TNFRSF1B: variants seen among roughly 807,000 people sequenced by gnomAD.
TNFRSF1B encodes the protein tumor necrosis factor receptor superfamily member 1B.
Under a neutral mutation model 44.6 loss-of-function variants are expected in TNFRSF1B, and 19 were observed. The ratio of observed to expected loss-of-function variants is 0.43; its 90% CI spans 0.30 to 0.62. The LOEUF (loss-of-function observed/expected upper bound fraction) is 0.62, where lower values mean the gene tolerates loss of function less well. Among genes scored for constraint, TNFRSF1B ranks in the 20% least tolerant of loss-of-function variants. The pLI is 0.16. For missense variants in TNFRSF1B, 541 were observed against 619.9 expected (o/e 0.87, Z 1.35); for synonymous variants, 252 against 261.1 (o/e 0.97, Z 0.34).
rs201247078 is a variant in TNFRSF1B, at chr1:12,188,941, C to G, written c.178+46C>G. ...ACTCGGGGCCCATGCCCTGGAGGAG[C>G]GTGTGTGTACAGGGGCTGGGGCGCA... On this transcript the variant is annotated intron_variant, in intron 2 of 9. Coordinates refer to ENST00000376259, the MANE Select transcript of TNFRSF1B (RefSeq NM_001066.3). 1.5e-4 allele frequency: 232 copies of G among 1,566,516 alleles called. No homozygotes were observed. In the Admixed American group the frequency reaches 1.7e-3, roughly 11 times the overall value.
chr1:12,203,241 C>T (rs1257456670), intron 9 of TNFRSF1B, among the ~76,000 whole-genome samples: 1 of 152,214 alleles, frequency 6.6e-6, no homozygotes, highest in Non-Finnish European at 1.5e-5. Context: ...TTGGTTTTTT[C>T]ACCTAGAGGT....
At chr1:12,188,684 T>C (rs1247489176) in intron 1 of TNFRSF1B, 112 bp from the exon 2 acceptor site, 1 of 980,526 alleles carries the variant, frequency 1.0e-6, no homozygotes, top group Non-Finnish European at 1.6e-6. Flanking sequence ...CCATCATCAG[T>C]GCAGACTGGC....
At chr1:12,188,722 G>T in intron 1 of TNFRSF1B, 74 bp from the exon 2 acceptor site, 1 of 1,380,906 alleles carries the variant, frequency 7.2e-7, no homozygotes, top group Non-Finnish European at 1.0e-6. Context: ...TTTGCAGGGC[G>T]GGGACCTGGG....
rs1233048792 is a variant in TNFRSF1B, at chr1:12,198,695, T to TG, written c.901-3272_901-3271insG. Among the ~76,000 whole-genome samples, 3 of 135,208 alleles carry TG rather than the reference T, an allele frequency of 2.2e-5. No homozygotes were observed. The East Asian group carries it at 6.3e-4, about 28-fold the overall frequency. The allele number at this position is 135,208 out of a possible 152,430, so 88.7% of individuals were successfully genotyped here. On this transcript the variant is annotated intron_variant, in intron 8 of 9. Transcript: ENST00000376259. ...TGGCTGGCTGGCTGGAATTCTGTTT[T>TG]TTTTTTTTTTTTTGAGAAAGAGTCT...
At position 12,192,868 on chromosome 1, in the gene TNFRSF1B, A is replaced by C; in HGVS notation, c.557A>C (p.Asn186Thr). 5 of 1,613,378 alleles carry C rather than the reference A, an allele frequency of 3.1e-6. No homozygotes were observed. The highest frequency in any genetic ancestry group is 4.2e-6 in the Non-Finnish European group (5 of 1,179,618). The change falls in exon 6 of 10, where the codon AAC becomes ACC. Residue 186 changes from asparagine to threonine, a missense_variant. Coordinates refer to ENST00000376259, the MANE Select transcript of TNFRSF1B (RefSeq NM_001066.3). ...CAAGCCTCCTCCTCCTCCAGCTGTA[A>C]CGTGGTGGCCATCCCTGGGAATGCA... Reference protein sequence around the residue: ...TDICRPHQICNVVAIPGNASM... With the variant: ...TDICRPHQICTVVAIPGNASM...
Position 12,194,496 on chromosome 1 carries a change from G to A in TNFRSF1B, c.866-88G>A, listed in dbSNP as rs1047442019. ...CCCACAGGGCTGGGCCTCTCTGCTG[G>A]TTCTATGGGGCCCCATACTGCCCTC... On this transcript the variant is annotated intron_variant, in intron 7 of 9. Transcript: ENST00000376259. 3.4e-6 allele frequency: 5 copies of A among 1,468,152 alleles called. No homozygotes were observed. The Admixed American group carries it at 5.1e-5, about 15-fold the overall frequency. 90.9% of individuals were successfully genotyped at this position (1,468,152 alleles called of 1,614,324 possible). A position where few individuals can be genotyped will look rare whatever the true frequency, so the allele number is the denominator to read the frequency against.
At chr1:12,197,907 C>T (rs953747573) in intron 8 of TNFRSF1B, among the ~76,000 whole-genome samples, 31 of 152,082 alleles carry the variant, frequency 2.0e-4, no homozygotes, top group Admixed American at 1.4e-3. Flanking sequence ...GGGCGGATCA[C>T]GAGGTCAGGA....
intron 1 of TNFRSF1B, among the ~76,000 whole-genome samples, chr1:12,181,544 ACCT>A (rs1368302200): frequency 2.6e-5 from 4 of 151,814 alleles, no homozygotes; most frequent in Non-Finnish European, 5.9e-5. Context: ...CACTACCCTG[ACCT>A]CCTGGCGGTG....
chr1:12,183,656 TTATCTATCTATCTATC>T (rs76161807), intron 1 of TNFRSF1B, among the ~76,000 whole-genome samples: 1,537 of 125,334 alleles, frequency 0.012, 52 homozygotes, highest in Non-Finnish European at 0.016. Context: ...TTTATCTATT[TTATCTATCTATCTATC>T]TATCTATCTA....
In TNFRSF1B at chr1:12,186,188, A is replaced by G. The variant is rs1052218143; in HGVS notation, c.79-2608A>G. Among the ~76,000 whole-genome samples, 12 of 152,166 alleles carry G rather than the reference A, an allele frequency of 7.9e-5. No individual in the cohort carries two copies. The highest frequency in any genetic ancestry group is 4.6e-4 in the Admixed American group (7 of 15,286). On this transcript the variant is annotated intron_variant, in intron 1 of 9. Coordinates refer to ENST00000376259, the MANE Select transcript of TNFRSF1B (RefSeq NM_001066.3). This position sits in a 1 kb window ranked among gnomAD's most constrained non-coding sequence, Gnocchi z 4.8. ...GCTGTTGGCACCGAGGGGTGCAGCC[A>G]GGGCAGGGTGGTGCTGCCTGCCAGG...
intron 8 of TNFRSF1B, among the ~76,000 whole-genome samples, chr1:12,197,565 A>G (rs1023014164): frequency 1.3e-5 from 2 of 152,054 alleles, no homozygotes; most frequent in Non-Finnish European, 1.5e-5. Flanking sequence ...CCCATTTTAC[A>G]GAGGAGGAAA....
At position 12,168,378 on chromosome 1, in the gene TNFRSF1B, A is replaced by G. The variant is rs1304682819; in HGVS notation, c.78+1209A>G. ...GGGGCTGTCAGACTAGAATTGACTCACCGACAGTGGGTGTCAGGAGTGGGT... is the reference window on the plus strand; with the variant it reads ...GGGGCTGTCAGACTAGAATTGACTCGCCGACAGTGGGTGTCAGGAGTGGGT... On this transcript the variant is annotated intron_variant, in intron 1 of 9. Transcript: ENST00000376259. The surrounding 1 kb of genome is among the most constrained non-coding windows in gnomAD (Gnocchi z 4.7). Among the ~76,000 whole-genome samples, 1 of 152,192 alleles carries G rather than the reference A, an allele frequency of 6.6e-6. No individual in the cohort carries two copies. Among genetic ancestry groups the G allele is most frequent in the Non-Finnish European group, 1.5e-5 (1 of 68,014 alleles).
At chr1:12,194,131 CAG>C in intron 7 of TNFRSF1B, 99 bp downstream of exon 7, 1 of 981,984 alleles carries the variant, frequency 1.0e-6, no homozygotes, top group Non-Finnish European at 1.6e-6. Context: ...AGGGGTCAGA[CAG>C]AGCTGGATAT....
At position 12,207,062 on chromosome 1, in the gene TNFRSF1B, C is replaced by T. The variant is rs374945013; in HGVS notation, c.*42C>T. ...TGTGTCGTAGCCAAGGTGGGCTGAG[C>T]CCTGGCAGGATGACCCTGCGAAGGG... On this transcript the variant is annotated 3_prime_UTR_variant, in exon 10 of 10. Coordinates refer to ENST00000376259, the MANE Select transcript of TNFRSF1B (RefSeq NM_001066.3). The T allele has an allele frequency of 6.6e-7, 1 of 1,520,688 alleles. No homozygotes were observed. The highest frequency in any genetic ancestry group is 2.3e-5 in the East Asian group (1 of 43,576). 94.2% of individuals were successfully genotyped at this position (1,520,688 alleles called of 1,614,324 possible).
At chr1:12,181,089 C>A (rs915611583) in intron 1 of TNFRSF1B, among the ~76,000 whole-genome samples, 2 of 152,180 alleles carry the variant, frequency 1.3e-5, no homozygotes, top group African/African-American at 4.8e-5. Context: ...GAGGAACGGG[C>A]CTGGTGCCAG....
intron 5 of TNFRSF1B, 132 bp from the exon 6 acceptor site, chr1:12,192,730 AG>A: frequency 1.3e-6 from 1 of 755,804 alleles, no homozygotes; most frequent in East Asian, 2.9e-5. Flanking sequence ...GGGGAGGGCT[AG>A]GAGGGGGTGG....
chr1:12,207,379 GT>G lies in TNFRSF1B; in HGVS notation c.*362del, dbSNP rs1465866324. 1 of 251,112 alleles carries G rather than the reference GT, an allele frequency of 4.0e-6. No homozygotes were observed. Among genetic ancestry groups the G allele is most frequent in the Non-Finnish European group, 7.5e-6 (1 of 132,662 alleles). 15.6% of individuals were successfully genotyped at this position (251,112 alleles called of 1,614,324 possible). A position where few individuals can be genotyped will look rare whatever the true frequency, so the allele number is the denominator to read the frequency against. ...GGGTTTTTTGTTTGTTTGTTTGTTT[GT>G]TTGTTTGTTTCTCCCCCTGGGCTCT... On this transcript the variant is annotated 3_prime_UTR_variant, in exon 10 of 10. Coordinates refer to ENST00000376259, the MANE Select transcript of TNFRSF1B (RefSeq NM_001066.3).
intron 9 of TNFRSF1B, among the ~76,000 whole-genome samples, chr1:12,203,998 G>C (rs1639447506): frequency 6.6e-6 from 1 of 152,226 alleles, no homozygotes; most frequent in Admixed American, 6.5e-5. Context: ...CCGAAGGGCT[G>C]GGATTACAGG....
At chr1:12,204,204 CT>C (rs1557641402) in intron 9 of TNFRSF1B, among the ~76,000 whole-genome samples, 1 of 152,184 alleles carries the variant, frequency 6.6e-6, no homozygotes, top group Admixed American at 6.5e-5. Flanking sequence ...CCTCCCACCC[CT>C]AACACCTCCC....
Sources: allele counts gnomAD v4.1 joint callset (sites outside exome capture counted in the v4.1 genomes callset), GRCh38; gene constraint gnomAD v4.1.1; non-coding constraint Gnocchi (gnomAD v3.1); transcripts MANE v1.5; gene names NCBI Gene and HGNC (gene_info 2026-07-23, HGNC 2026-07-21).